Variants in NRK observed in about 807,000 individuals in gnomAD.
NRK encodes the protein nik-related protein kinase.
NRK carries 67 observed loss-of-function variants against 125.2 expected under a neutral mutation model. That is an observed-to-expected ratio of 0.54 (90% CI 0.44 to 0.66). The LOEUF is 0.66. Ranked by LOEUF, NRK falls within the 30% of genes least tolerant of loss-of-function variation. The pLI is 0.00. For synonymous variants in NRK, 458 were observed against 429.0 expected, an observed-to-expected ratio of 1.07 and a Z score of -0.84; for missense variants, 1,224 against 1,192.9, an observed-to-expected ratio of 1.03 and a Z score of -0.38.
chrX:105,903,149 C>T (rs1395522279), intron 9 of NRK, among the ~76,000 whole-genome samples: 3 of 111,385 alleles, frequency 2.7e-5, no homozygotes, highest in Non-Finnish European at 5.7e-5. Flanking sequence ...GGAGGAGAAG[C>T]GGGATAGGAT....
intron 27 of NRK, 26 bp from the exon 28 acceptor site, chrX:105,953,008 C>T (rs1244716133): frequency 3.7e-6 from 4 of 1,081,837 alleles, no homozygotes; most frequent in Admixed American, 3.0e-5. Flanking sequence ...TTGTGTTTTT[C>T]TGATTTTTTT....
chrX:105,905,138 C>T (rs1189806350), intron 9 of NRK, 127 bp from the exon 10 acceptor site: 2 of 464,627 alleles, frequency 4.3e-6, no homozygotes, highest in Non-Finnish European at 3.7e-6. Context: ...TCTTTTGTAT[C>T]TATTTGTCCC....
At chrX:105,914,632 C>T (rs1300109059) in intron 14 of NRK, among the ~76,000 whole-genome samples, 3 of 108,946 alleles carry the variant, frequency 2.8e-5, no homozygotes, top group Non-Finnish European at 3.8e-5. Context: ...CAAAAGTCCC[C>T]GACTGGGTCA....
intron 21 of NRK, among the ~76,000 whole-genome samples, chrX:105,936,518 A>C (rs1776970148): frequency 8.9e-6 from 1 of 112,277 alleles, no homozygotes; most frequent in African/African-American, 3.2e-5. Context: ...TAGAGAACTG[A>C]TTAAAGACAG....
chrX:105,873,372 T>C (rs1242050990), intron 2 of NRK, among the ~76,000 whole-genome samples: 1 of 111,385 alleles, frequency 9.0e-6, no homozygotes, highest in African/African-American at 3.3e-5. Flanking sequence ...TCATTTGTTA[T>C]GGTTTAAAAT....
rs756118738 is a variant in NRK at position 105,924,696 on chromosome X, G to A, written c.2977G>A (p.Ala993Thr). The stretch of plus-strand genomic sequence containing the variant: ...TCATTAATTGGAGCTTGTTGTCAGG[G>A]CAAGCTATGGCAGAGATGGAAGCTG... ...NYYEAPSCPR[A>T]SYGRDGSCKQ... is the part of the protein sequence containing the mutation. The change falls in exon 19 of 29, where the codon GCA (alanine) becomes ACA (threonine). Residue 993 changes from alanine to threonine, a missense_variant and splice_region_variant. Physicochemically the swap from Ala to Thr is moderately conservative, Grantham distance 58 (BLOSUM62 0). Transcript: ENST00000243300. 15 of 1,184,948 alleles carry A rather than the reference G, an allele frequency of 1.3e-5. No individual in the cohort carries two copies. The highest frequency in any genetic ancestry group is 2.3e-4 in the Middle Eastern group (1 of 4,290).
Position 105,948,797 on chromosome X carries a change from G to A in NRK, c.4354-778G>A, listed in dbSNP as rs1435622145. 3.3e-5 allele frequency: 14 copies of A among 428,636 alleles called. No individual in the cohort carries two copies. The African/African-American group carries it at 3.7e-4, about 11-fold the overall frequency. 35.3% of individuals were successfully genotyped at this position (428,636 alleles called of 1,213,427 possible). On this transcript the variant is annotated intron_variant, in intron 26 of 28. Transcript: ENST00000243300. ...TCTGACTTTTTTTTTTTTTTAATGT[G>A]CTAGTTTGAAGAAACCATAGAGGAA...
intron 2 of NRK, among the ~76,000 whole-genome samples, chrX:105,856,511 A>T (rs147121218): frequency 6.4e-4 from 72 of 111,651 alleles, no homozygotes; most frequent in Non-Finnish European, 1.2e-3. Flanking sequence ...AGCAATATCA[A>T]TATTTAGTAT....
Position 105,909,174 on chromosome X carries a change from A to G in NRK, c.1533A>G (p.Gln511=), listed in dbSNP as rs373110921. Residue 511 remains glutamine (Q), a synonymous_variant, in exon 13 of 29, where the codon CAA becomes CAG. Coordinates refer to ENST00000243300, the MANE Select transcript of NRK (RefSeq NM_198465.4). The part of the protein sequence containing the change: ...QQAQTQTSEP[Q]DLDQVPEEFQ... ...CCCAGACCCAGACATCAGAACCACA[A>G]GATTTGGACCAGGTACCAGAGGAAT... The G allele has an allele frequency of 2.7e-4, 332 of 1,209,290 alleles. No individual in the cohort carries two copies. Among genetic ancestry groups the G allele is most frequent in the Non-Finnish European group, 3.5e-4 (316 of 894,904 alleles).
intron 8 of NRK, among the ~76,000 whole-genome samples, chrX:105,899,013 G>A (rs2040121811): frequency 9.0e-6 from 1 of 111,350 alleles, no homozygotes; most frequent in Non-Finnish European, 1.9e-5. Context: ...GGATTTATAT[G>A]TATATAAAAA....
chrX:105,945,291 C>T (rs1459629362), intron 24 of NRK, among the ~76,000 whole-genome samples: 1 of 111,773 alleles, frequency 8.9e-6, no homozygotes, highest in African/African-American at 3.3e-5. Context: ...TCCTGACAGA[C>T]GCAGCAAGGT....
intron 2 of NRK, among the ~76,000 whole-genome samples, chrX:105,873,968 TGATA>T (rs1168604570): frequency 8.9e-6 from 1 of 112,426 alleles, no homozygotes; most frequent in Non-Finnish European, 1.9e-5. Context: ...CTGATTTTAT[TGATA>T]GAGTGACTAA....
chrX:105,936,233 G>T (rs898181150), intron 21 of NRK, among the ~76,000 whole-genome samples: 1 of 111,325 alleles, frequency 9.0e-6, no homozygotes, highest in African/African-American at 3.3e-5. Context: ...ATAGAAAAGG[G>T]TAACAAACAT....
At position 105,953,166 on chromosome X, in the gene NRK, G is replaced by A. The variant is rs1276547282; in HGVS notation, c.4646G>A (p.Gly1549Asp). ...AAGCTGAGATTCCTGTGCACCCGGG[G>A]TGACAAGGTATAGCTTACACCCTCC... ...IKKLRFLCTR[G>D]DKLFFTSTLR... The change falls in exon 28 of 29, where the codon GGT (glycine) becomes GAT (aspartate). Residue 1549 changes from glycine to aspartate, a missense_variant. Gly to Asp is a moderately conservative substitution (Grantham distance 94). Coordinates refer to ENST00000243300, the MANE Select transcript of NRK (RefSeq NM_198465.4). 5.9e-6 allele frequency: 7 copies of A among 1,182,390 alleles called. No homozygotes were observed. Among genetic ancestry groups the A allele is most frequent in the African/African-American group, 1.8e-5 (1 of 56,730 alleles).
intron 2 of NRK, among the ~76,000 whole-genome samples, chrX:105,835,664 G>A (rs1243720687): frequency 1.9e-5 from 2 of 107,902 alleles, no homozygotes; most frequent in Non-Finnish European, 3.8e-5. Context: ...AGCTGCAGTA[G>A]GTCTTCATCT....
Position 105,924,823 on chromosome X carries a change from A to T in NRK, c.3104A>T (p.Glu1035Val). ...NRSHGGSAASEDNAAIGDQEE... is the reference protein window; with the variant it reads ...NRSHGGSAASVDNAAIGDQEE... ...AGCCATGGAGGAAGTGCAGCCAGTG[A>T]GGACAATGCAGCCATTGGAGATCAG... is the stretch of plus-strand genomic sequence containing the variant. The change falls in exon 19 of 29, where the codon GAG (glutamate) becomes GTG (valine). Residue 1035 changes from glutamate (E) to valine (V), a missense_variant. Coordinates refer to ENST00000243300, the MANE Select transcript of NRK (RefSeq NM_198465.4). 1.7e-6 allele frequency: 2 copies of T among 1,210,929 alleles called. No homozygotes were observed. The highest frequency in any genetic ancestry group is 2.2e-6 in the Non-Finnish European group (2 of 894,966).
chrX:105,934,196 G>A, intron 19 of NRK, 62 bp from the exon 20 acceptor site: 1 of 668,513 alleles, frequency 1.5e-6, no homozygotes, highest in Non-Finnish European at 2.2e-6. Context: ...CCCTCACTAG[G>A]CATATTTCTC....
At chrX:105,854,929 A>G (rs757430099) in intron 2 of NRK, among the ~76,000 whole-genome samples, 8 of 112,202 alleles carry the variant, frequency 7.1e-5, no homozygotes, top group African/African-American at 2.6e-4. Flanking sequence ...TAAGCATGAT[A>G]ATACTTACCT....
At chrX:105,923,891 C>CTATA (rs1204761152) in intron 18 of NRK, among the ~76,000 whole-genome samples, 5,949 of 47,525 alleles carry the variant, frequency 0.13, 422 homozygotes, top group Non-Finnish European at 0.17. Flanking sequence ...TGTGATATCA[C>CTATA]TATATATATA....
Sources: allele counts gnomAD v4.1 joint callset (sites outside exome capture counted in the v4.1 genomes callset), GRCh38; gene constraint gnomAD v4.1.1; transcripts MANE v1.5; gene names NCBI Gene and HGNC (gene_info 2026-07-23, HGNC 2026-07-21).